Variants in STXBP5L observed in about 807,000 individuals in gnomAD.
The protein encoded by STXBP5L is syntaxin-binding protein 5-like.
A neutral mutation model predicts 144.5 loss-of-function variants in STXBP5L; 65 were observed. The ratio of observed to expected loss-of-function variants is 0.45; its 90% CI spans 0.37 to 0.55. The LOEUF (loss-of-function observed/expected upper bound fraction) is 0.55. STXBP5L is among the 20% of genes least tolerant of loss of function. The pLI is 0.00. For missense variants in STXBP5L, 1,298 were observed against 1,405.5 expected, an observed-to-expected ratio of 0.92 and a Z score of 1.22; for synonymous variants, 505 against 469.6, an observed-to-expected ratio of 1.08 and a Z score of -0.97.
At chr3:121,189,673 T>G (rs988014943) in intron 9 of STXBP5L, among the ~76,000 whole-genome samples, 1 of 152,212 alleles carries the variant, frequency 6.6e-6, no homozygotes, top group Non-Finnish European at 1.5e-5. Flanking sequence ...CCAGCTTTTT[T>G]CTTTTGACTT....
chr3:121,349,596 C>A (rs1359021263), intron 20 of STXBP5L, among the ~76,000 whole-genome samples: 1 of 151,996 alleles, frequency 6.6e-6, no homozygotes, highest in Non-Finnish European at 1.5e-5. Context: ...GAGTCTAAGT[C>A]TCTTTGTAGG....
chr3:120,943,832 T>C (rs1000151088), intron 2 of STXBP5L, among the ~76,000 whole-genome samples: 1 of 151,474 alleles, frequency 6.6e-6, no homozygotes, highest in Non-Finnish European at 1.5e-5. Context: ...TCTTCTTTTT[T>C]TTTTTTAAAC....
intron 9 of STXBP5L, among the ~76,000 whole-genome samples, chr3:121,170,763 C>A (rs2046681318): frequency 6.6e-6 from 1 of 152,086 alleles, no homozygotes; most frequent in Admixed American, 6.6e-5. Context: ...TCCCAGGGTA[C>A]AAAGAGGAGA....
At chr3:121,023,236 G>T (rs993905070) in intron 3 of STXBP5L, among the ~76,000 whole-genome samples, 2 of 152,036 alleles carry the variant, frequency 1.3e-5, no homozygotes, top group Non-Finnish European at 1.5e-5. Context: ...ACTGCTGAAA[G>T]AAATCAGATG....
In STXBP5L at chr3:121,042,650, C is replaced by A. The variant is rs142141712; in HGVS notation, c.369+869C>A. Among the ~76,000 whole-genome samples the A allele has an allele frequency of 9.5e-3, 1,438 of 152,154 alleles. 8 individuals are homozygous for A. Among genetic ancestry groups the A allele is most frequent in the Middle Eastern group, 0.021 (6 of 292 alleles). On this transcript the variant is annotated intron_variant, in intron 4 of 26. Transcript: ENST00000471454. ...ATCTGTTTATCTTCCTAAGAACTTA[C>A]AATTATAAGTGTGGGTAAAATGTCT...
intron 22 of STXBP5L, among the ~76,000 whole-genome samples, chr3:121,406,324 C>T (rs2046992950): frequency 6.6e-6 from 1 of 151,940 alleles, no homozygotes; most frequent in African/African-American, 2.4e-5. Flanking sequence ...AATGAATATA[C>T]TTTTATCTGT....
intron 5 of STXBP5L, among the ~76,000 whole-genome samples, chr3:121,090,517 G>T (rs1379320032): frequency 6.6e-6 from 1 of 152,118 alleles, no homozygotes; most frequent in Non-Finnish European, 1.5e-5. Context: ...CATGAAAATA[G>T]ACTTCCATAC....
chr3:121,398,789 T>C (rs1278302864), intron 22 of STXBP5L, among the ~76,000 whole-genome samples: 8 of 152,176 alleles, frequency 5.3e-5, no homozygotes, highest in Admixed American at 5.2e-4. Flanking sequence ...TGTGCTTTCC[T>C]GAATTTAAAA....
At chr3:120,988,361 T>C (rs1942506557) in intron 3 of STXBP5L, among the ~76,000 whole-genome samples, 1 of 152,108 alleles carries the variant, frequency 6.6e-6, no homozygotes, top group Admixed American at 6.6e-5. Context: ...CTTTGAATCA[T>C]GAGCTCCTTA....
At chr3:121,331,027 C>T (rs1004773380) in intron 20 of STXBP5L, among the ~76,000 whole-genome samples, 1 of 152,190 alleles carries the variant, frequency 6.6e-6, no homozygotes, top group African/African-American at 2.4e-5. Flanking sequence ...AGCGTGGCAG[C>T]CCCACAGGGC....
intron 5 of STXBP5L, among the ~76,000 whole-genome samples, chr3:121,077,801 C>T (rs939098455): frequency 2.6e-5 from 4 of 152,210 alleles, no homozygotes; most frequent in Middle Eastern, 3.4e-3. Flanking sequence ...CTCCAAGTCC[C>T]CATCAGAGTA....
chr3:121,407,179 T>G, intron 22 of STXBP5L, 64 bp from the exon 23 acceptor site: 1 of 1,507,998 alleles, frequency 6.6e-7, no homozygotes, highest in Non-Finnish European at 8.8e-7. Flanking sequence ...ATGTAAAACT[T>G]TAATTCCCTA....
intron 13 of STXBP5L, among the ~76,000 whole-genome samples, chr3:121,239,335 G>T (rs1463260334): frequency 6.9e-6 from 1 of 144,774 alleles, no homozygotes; most frequent in African/African-American, 2.6e-5. Flanking sequence ...TTATACAGAA[G>T]GTATATAATT....
intron 3 of STXBP5L, among the ~76,000 whole-genome samples, chr3:120,995,205 T>C (rs1444626294): frequency 6.6e-6 from 1 of 152,206 alleles, no homozygotes; most frequent in East Asian, 1.9e-4. Flanking sequence ...TGGAATGCAA[T>C]GGCATGATCA....
At chr3:120,946,684 CT>C (rs1442710336) in intron 2 of STXBP5L, among the ~76,000 whole-genome samples, 1 of 151,708 alleles carries the variant, frequency 6.6e-6, no homozygotes, top group East Asian at 1.9e-4. Flanking sequence ...ATAAATTCTG[CT>C]TTGCCAAAGT....
intron 3 of STXBP5L, among the ~76,000 whole-genome samples, chr3:120,976,177 A>G (rs1180691841): frequency 4.0e-5 from 6 of 151,378 alleles, no homozygotes; most frequent in Admixed American, 3.9e-4. Context: ...CTGGTCCTGG[A>G]CTCTTTTTGG....
At chr3:121,309,739 A>T (rs1318068229) in intron 19 of STXBP5L, among the ~76,000 whole-genome samples, 1 of 152,212 alleles carries the variant, frequency 6.6e-6, no homozygotes, top group Non-Finnish European at 1.5e-5. Context: ...CACCTTTTAA[A>T]AGATCTTTAT....
At chr3:121,284,466 C>T (rs966030593) in intron 19 of STXBP5L, among the ~76,000 whole-genome samples, 2 of 152,056 alleles carry the variant, frequency 1.3e-5, no homozygotes, top group Admixed American at 1.3e-4. Context: ...ATTTAGTTGA[C>T]ATTTAGCCTA....
intron 9 of STXBP5L, among the ~76,000 whole-genome samples, chr3:121,202,692 T>C (rs576729351): frequency 1.1e-4 from 16 of 152,124 alleles, no homozygotes; most frequent in African/African-American, 3.9e-4. Context: ...GTTGGCAGAC[T>C]TTTTTTCTTC....
Sources: gnomAD v4.1 joint callset for allele counts (sites outside exome capture counted in the v4.1 genomes callset) on GRCh38, gnomAD v4.1.1 for gene constraint, MANE v1.5 for transcripts, NCBI Gene and HGNC (gene_info 2026-07-23, HGNC 2026-07-21) for gene names.